NFIB: variants seen among roughly 807,000 people sequenced by gnomAD.
NFIB encodes nuclear factor 1 B-type.
NFIB carries 11 observed loss-of-function variants against 61.5 expected under a neutral mutation model. That is an observed-to-expected ratio of 0.18 (90% confidence interval 0.11 to 0.30). NFIB has a LOEUF of 0.30. Among genes scored for constraint, NFIB ranks in the 10% least tolerant of loss-of-function variants. The pLI is 1.00. For missense variants in NFIB, 471 were observed against 608.9 expected, an observed-to-expected ratio of 0.77 and a Z score of 2.38; for synonymous variants, 260 against 216.5, an observed-to-expected ratio of 1.20 and a Z score of -1.76.
chr9:14,458,915 T>A, the NFIB span, among the ~76,000 whole-genome samples: 1 of 151,972 alleles, frequency 6.6e-6, no homozygotes, highest in Admixed American at 6.6e-5. Flanking sequence ...ATAGGAAGAA[T>A]CAATATCGTG....
At chr9:14,248,658 C>T (rs956641024) in intron 2 of NFIB, among the ~76,000 whole-genome samples, 7 of 152,118 alleles carry the variant, frequency 4.6e-5, no homozygotes, top group Middle Eastern at 3.2e-3. Flanking sequence ...TTGGGTGTCT[C>T]GTGATCCTCC....
chr9:14,463,696 T>TCG, the NFIB span, among the ~76,000 whole-genome samples: 1 of 106,198 alleles, frequency 9.4e-6, no homozygotes, highest in African/African-American at 3.5e-5. Context: ...ACGGAGTCTC[T>TCG]GTCACCCAGG....
the NFIB span, among the ~76,000 whole-genome samples, chr9:14,409,390 G>A: frequency 6.6e-6 from 1 of 152,210 alleles, no homozygotes. Flanking sequence ...GATGAAGGGT[G>A]TTAGGAGCAG....
chr9:14,327,809 A>G (rs1232092670), intron 1 of NFIB, among the ~76,000 whole-genome samples: 1 of 152,182 alleles, frequency 6.6e-6, no homozygotes, highest in Non-Finnish European at 1.5e-5. Context: ...CACTTCATCC[A>G]CTAAAACAAA....
intron 2 of NFIB, among the ~76,000 whole-genome samples, chr9:14,295,040 C>A (rs1171339897): frequency 6.6e-6 from 1 of 152,166 alleles, no homozygotes; most frequent in Non-Finnish European, 1.5e-5. Flanking sequence ...ATGTTGTAAC[C>A]ATTCTCCACT....
chr9:14,170,290 TATGGAG>T (rs1417193914), intron 3 of NFIB, among the ~76,000 whole-genome samples: 1 of 152,070 alleles, frequency 6.6e-6, no homozygotes, highest in Non-Finnish European at 1.5e-5. Flanking sequence ...ATCTTGTAAA[TATGGAG>T]AGGGAAAGAA....
At chr9:14,450,518 T>C in the NFIB span, among the ~76,000 whole-genome samples, 4 of 152,232 alleles carry the variant, frequency 2.6e-5, no homozygotes, top group Admixed American at 2.0e-4. Context: ...GATCATTTAT[T>C]CTGTACTTTG....
intron 3 of NFIB, among the ~76,000 whole-genome samples, chr9:14,157,836 A>G (rs1299196996): frequency 1.3e-5 from 2 of 152,254 alleles, no homozygotes; most frequent in East Asian, 3.9e-4. Context: ...AACTTAATAA[A>G]GTAAATATAT....
At chr9:14,096,128 T>C (rs2034747693) in intron 10 of NFIB, among the ~76,000 whole-genome samples, 2 of 152,150 alleles carry the variant, frequency 1.3e-5, no homozygotes, top group South Asian at 4.1e-4. Flanking sequence ...AATGGTGCAC[T>C]GGCTGTCGAG....
rs751895617 is a variant in NFIB at position 14,125,777 on chromosome 9, C to A, written c.926-11G>T. On this transcript the variant is annotated splice_polypyrimidine_tract_variant and intron_variant, in intron 6 of 10. Transcript: ENST00000380953. ...TCGGAGAAGACATATCTGCGAGAAA[C>A]AGAGAAAAACCCAAAGCTCCATGAC... 6.2e-7 allele frequency: 1 copy of A among 1,612,624 alleles called. No individual in the cohort carries two copies. The highest frequency in any genetic ancestry group is 8.5e-7 in the Non-Finnish European group (1 of 1,179,508).
the NFIB span, among the ~76,000 whole-genome samples, chr9:14,530,286 G>C: frequency 6.6e-6 from 1 of 152,048 alleles, no homozygotes; most frequent in African/African-American, 2.4e-5. Flanking sequence ...ATTTCACCAT[G>C]TACACGCACA....
chr9:14,418,640 A>G, the NFIB span, among the ~76,000 whole-genome samples: 1 of 152,160 alleles, frequency 6.6e-6, no homozygotes, highest in Non-Finnish European at 1.5e-5. Context: ...GCAAGACCCT[A>G]TTAGGGTCCC....
At chr9:14,099,929 G>A (rs569236990) in intron 10 of NFIB, among the ~76,000 whole-genome samples, 11 of 152,178 alleles carry the variant, frequency 7.2e-5, no homozygotes, top group African/African-American at 1.9e-4. Context: ...AAAGTTAGCC[G>A]GGCGTGGCAG....
chr9:14,278,588 G>C, intron 2 of NFIB, among the ~76,000 whole-genome samples: 1 of 152,190 alleles, frequency 6.6e-6, no homozygotes, highest in East Asian at 1.9e-4. Context: ...TAGAATGTTT[G>C]GGTTTGGAGG....
At chr9:14,414,076 GTCC>G in the NFIB span, among the ~76,000 whole-genome samples, 1 of 152,008 alleles carries the variant, frequency 6.6e-6, no homozygotes, top group Non-Finnish European at 1.5e-5. Flanking sequence ...ATTTATATAG[GTCC>G]TCTCGGAAGT....
chr9:14,306,478 G>A (rs1188527436), intron 2 of NFIB, among the ~76,000 whole-genome samples: 31 of 152,052 alleles, frequency 2.0e-4, no homozygotes, highest in Admixed American at 2.0e-3. Flanking sequence ...TAAGCATTTT[G>A]TAATAGTAAA....
At chr9:14,252,561 A>G (rs567731177) in intron 2 of NFIB, among the ~76,000 whole-genome samples, 1 of 152,326 alleles carries the variant, frequency 6.6e-6, no homozygotes, top group South Asian at 2.1e-4. Flanking sequence ...TGCTTCAGTT[A>G]TAATATGTAA....
the NFIB span, among the ~76,000 whole-genome samples, chr9:14,521,986 C>A: frequency 1.3e-5 from 2 of 152,320 alleles, no homozygotes; most frequent in Non-Finnish European, 1.5e-5. Flanking sequence ...GAAAGCCAAT[C>A]TGGCACAAGC....
intron 1 of NFIB, among the ~76,000 whole-genome samples, chr9:14,331,248 T>C (rs751001735): frequency 1.3e-5 from 2 of 152,172 alleles, no homozygotes; most frequent in African/African-American, 2.4e-5. Context: ...GAGTAACCAA[T>C]TGAAGGTCAG....
Sources: allele counts gnomAD v4.1 joint callset (sites outside exome capture counted in the v4.1 genomes callset), GRCh38; gene constraint gnomAD v4.1.1; transcripts MANE v1.5; gene names NCBI Gene and HGNC (gene_info 2026-07-23, HGNC 2026-07-21).